Variants in VPS37A observed in about 807,000 individuals in gnomAD.
VPS37A encodes the protein vacuolar protein sorting-associated protein 37A.
In VPS37A, 30 loss-of-function variants were observed where a neutral mutation model predicts 49.8. The ratio of observed to expected loss-of-function variants is 0.60; its 90% CI spans 0.45 to 0.82. The LOEUF (loss-of-function observed/expected upper bound fraction) is 0.82. VPS37A is among the 40% of genes least tolerant of loss of function. VPS37A has a pLI of 0.00. For synonymous variants in VPS37A, 195 were observed against 160.6 expected (o/e 1.21, Z -1.62); for missense variants, 593 against 464.4 (o/e 1.28, Z -2.55).
At chr8:17,252,462 G>C (rs997216953) in intron 1 of VPS37A, among the ~76,000 whole-genome samples, 1 of 152,190 alleles carries the variant, frequency 6.6e-6, no homozygotes, top group Non-Finnish European at 1.5e-5. Context: ...ACAGGCATGA[G>C]CTGCCACACC....
chr8:17,279,911 A>T (rs750963897), intron 6 of VPS37A, 117 bp from the exon 7 acceptor site: 1 of 1,274,988 alleles, frequency 7.8e-7, no homozygotes, highest in South Asian at 1.2e-5. Flanking sequence ...TTAGGTGTAT[A>T]TGTAAAAATT....
rs775592742 is a variant in VPS37A, at chr8:17,247,283, C to G, written c.39C>G (p.Ser13=). ...WLFPLTKSAS[S]SAAGSPGGLT... is the part of the protein sequence containing the mutation. ...TTCCCCTGACCAAGAGCGCCTCCTC[C>G]TCCGCGGCTGGGTCCCCCGGTGGCC... is the stretch of plus-strand genomic sequence containing the variant. Residue 13 remains serine, a synonymous_variant, in exon 1 of 12, where the codon TCC becomes TCG. Transcript: ENST00000324849. 1.9e-6 allele frequency: 3 copies of G among 1,567,112 alleles called. No individual in the cohort carries two copies. In the Admixed American group the frequency reaches 5.6e-5, roughly 29 times the overall value.
chr8:17,328,324 C>T, the VPS37A span, among the ~76,000 whole-genome samples: 2 of 152,186 alleles, frequency 1.3e-5, no homozygotes, highest in Non-Finnish European at 2.9e-5. Context: ...TCCTCCCCAA[C>T]ACCCAGGATG....
the VPS37A span, among the ~76,000 whole-genome samples, chr8:17,317,173 C>T: frequency 6.6e-6 from 1 of 152,076 alleles, no homozygotes; most frequent in Non-Finnish European, 1.5e-5. Context: ...GCATGTTGAG[C>T]TTTCCTCAGT....
rs753034747 is a variant in VPS37A, at chr8:17,268,917, A to C, written c.377A>C (p.Asn126Thr). The C allele has an allele frequency of 1.2e-6, 2 of 1,610,654 alleles. No homozygotes were observed. The highest frequency in any genetic ancestry group is 1.3e-5 in the African/African-American group (1 of 74,834). Residue 126 changes from asparagine (N) to threonine (T), a missense_variant, in exon 4 of 12, where the codon AAT becomes ACT. By Grantham distance (65) the Asn-to-Thr change is moderately conservative. Coordinates refer to ENST00000324849, the MANE Select transcript of VPS37A (RefSeq NM_152415.3). ...IQSLLDEFWK[N>T]PPVLAPTSTA... ...AGTCTGTTGGATGAGTTTTGGAAGAATCCTCCAGTTTTAGCTCCTACTTCA... is the reference window on the plus strand; with the variant it reads ...AGTCTGTTGGATGAGTTTTGGAAGACTCCTCCAGTTTTAGCTCCTACTTCA...
chr8:17,247,004 G>C lies in VPS37A; in HGVS notation c.-241G>C. ...GCTGGCCGGTTTGGGCGTCTGGGCC[G>C]TGAAGGTGGGACCTCCTGTTCCGGG... On this transcript the variant is annotated 5_prime_UTR_variant, in exon 1 of 12. Coordinates refer to ENST00000324849, the MANE Select transcript of VPS37A (RefSeq NM_152415.3). The C allele has an allele frequency of 1.8e-6, 1 of 548,862 alleles. No individual in the cohort carries two copies. The highest frequency in any genetic ancestry group is 3.2e-6 in the Non-Finnish European group (1 of 310,572). 34.0% of individuals were successfully genotyped at this position (548,862 alleles called of 1,614,324 possible).
intron 1 of VPS37A, among the ~76,000 whole-genome samples, chr8:17,257,021 T>A (rs991904979): frequency 1.3e-5 from 2 of 152,220 alleles, no homozygotes; most frequent in Non-Finnish European, 2.9e-5. Context: ...TACTGAAGCA[T>A]TTCCTCAATG....
At chr8:17,277,889 C>CACAA (rs1299193170) in intron 6 of VPS37A, among the ~76,000 whole-genome samples, 1 of 151,474 alleles carries the variant, frequency 6.6e-6, no homozygotes, top group Non-Finnish European at 1.5e-5. Flanking sequence ...CACACACACA[C>CACAA]ACACACACAC....
intron 1 of VPS37A, among the ~76,000 whole-genome samples, chr8:17,263,461 G>C (rs1343353636): frequency 1.3e-5 from 2 of 152,018 alleles, no homozygotes; most frequent in East Asian, 1.9e-4. Context: ...TGATGGTTCA[G>C]CTCTCATTAA....
chr8:17,275,897 C>A (rs1178201292), intron 5 of VPS37A, among the ~76,000 whole-genome samples: 3 of 152,058 alleles, frequency 2.0e-5, no homozygotes, highest in African/African-American at 4.8e-5. Flanking sequence ...GAACAAATTA[C>A]AGTTAGTAGT....
intron 9 of VPS37A, among the ~76,000 whole-genome samples, chr8:17,283,164 A>G (rs1012103425): frequency 4.0e-5 from 6 of 151,726 alleles, no homozygotes; most frequent in Non-Finnish European, 5.9e-5. Context: ...ATGCATTAGC[A>G]TGGCCATTAT....
At chr8:17,253,215 C>T (rs560615600) in intron 1 of VPS37A, among the ~76,000 whole-genome samples, 4 of 152,228 alleles carry the variant, frequency 2.6e-5, no homozygotes, top group South Asian at 4.1e-4. Flanking sequence ...CAAACCATTT[C>T]TGCTGTTTGC....
intron 10 of VPS37A, 134 bp downstream of exon 10, chr8:17,284,750 G>T (rs557844198): frequency 8.8e-7 from 1 of 1,142,714 alleles, no homozygotes; most frequent in South Asian, 1.8e-5. Context: ...ATATTTACCT[G>T]AAAGGAAGGT....
intron 11 of VPS37A, among the ~76,000 whole-genome samples, chr8:17,286,881 G>C (rs1815648140): frequency 6.6e-6 from 1 of 152,118 alleles, no homozygotes; most frequent in Non-Finnish European, 1.5e-5. Flanking sequence ...ATGCAGCACT[G>C]ATAGAATGAT....
downstream of VPS37A, chr8:17,300,064 G>C: frequency 2.5e-6 from 4 of 1,614,140 alleles, no homozygotes; most frequent in Non-Finnish European, 3.4e-6. Flanking sequence ...GCCTTGTGAA[G>C]GGCTCCGGGA....
chr8:17,318,436 G>C, the VPS37A span, among the ~76,000 whole-genome samples: 1 of 152,118 alleles, frequency 6.6e-6, no homozygotes, highest in South Asian at 2.1e-4. Context: ...AGCACCCCAA[G>C]ACCCCGATAT....
At chr8:17,255,569 A>G (rs1812371742) in intron 1 of VPS37A, among the ~76,000 whole-genome samples, 1 of 152,142 alleles carries the variant, frequency 6.6e-6, no homozygotes, top group South Asian at 2.1e-4. Context: ...TATTCTGTAA[A>G]AGGAAGCTTC....
In VPS37A at chr8:17,295,309, T is replaced by C. The variant is rs1340077963; in HGVS notation, c.*323T>C. 3 of 152,650 alleles carry C rather than the reference T, an allele frequency of 2.0e-5. No individual in the cohort carries two copies. Among genetic ancestry groups the C allele is most frequent in the Admixed American group, 1.3e-4 (2 of 15,290 alleles). 9.5% of individuals were successfully genotyped at this position (152,650 alleles called of 1,614,324 possible). A position where few individuals can be genotyped will look rare whatever the true frequency, so the allele number is the denominator to read the frequency against. On this transcript the variant is annotated 3_prime_UTR_variant, in exon 12 of 12. Coordinates refer to ENST00000324849, the MANE Select transcript of VPS37A (RefSeq NM_152415.3). ...GCTAGTTTTTAATATTTTATAAAAC[T>C]TCATTTAAATTTGTATTTTTAACTT...
At position 17,288,657 on chromosome 8, in the gene VPS37A, T is replaced by G. The variant is rs539546966; in HGVS notation, c.*2230T>G. On this transcript the variant is annotated intron_variant, in intron 11 of 11. Transcript: ENST00000324849. Reference sequence around the variant, plus strand: ...TGGGTTGGTTCCAAGTCTTTGCTATTGTGAATAGTGCTGCAATAAACATAC... The same window carrying G: ...TGGGTTGGTTCCAAGTCTTTGCTATGGTGAATAGTGCTGCAATAAACATAC... Among the ~76,000 whole-genome samples the G allele has an allele frequency of 2.0e-5, 3 of 152,326 alleles. No homozygotes were observed. In the South Asian group the frequency reaches 6.2e-4, roughly 32 times the overall value.
Sources: allele counts gnomAD v4.1 joint callset (sites outside exome capture counted in the v4.1 genomes callset), GRCh38; gene constraint gnomAD v4.1.1; transcripts MANE v1.5; gene names NCBI Gene and HGNC (gene_info 2026-07-23, HGNC 2026-07-21).